LRRC4C: variants seen among roughly 807,000 people sequenced by gnomAD.
LRRC4C encodes the protein leucine rich repeat containing 4C.
Under a neutral mutation model 33.6 loss-of-function variants are expected in LRRC4C, and 5 were observed. That is an observed-to-expected ratio of 0.15 (90% CI 0.08 to 0.31). The LOEUF (loss-of-function observed/expected upper bound fraction) is 0.31, where lower values mean the gene tolerates loss of function less well. Ranked by LOEUF, LRRC4C falls within the 10% of genes least tolerant of loss-of-function variation. The pLI is 1.00. For synonymous variants in LRRC4C, 329 were observed against 302.0 expected (o/e 1.09, Z -0.93); for missense variants, 560 against 796.7 (o/e 0.70, Z 3.58).
intron 2 of LRRC4C, among the ~76,000 whole-genome samples, chr11:40,778,268 G>A (rs1270699137): frequency 2.6e-5 from 4 of 152,122 alleles, no homozygotes; most frequent in Admixed American, 6.5e-5. Flanking sequence ...AATTCCCTTA[G>A]CATCATTTTT....
intron 2 of LRRC4C, among the ~76,000 whole-genome samples, chr11:40,651,107 C>T (rs534840955): frequency 6.6e-6 from 1 of 152,322 alleles, no homozygotes; most frequent in South Asian, 2.1e-4. Context: ...CTCTTCCTAA[C>T]ACTTTGGAAA....
chr11:41,333,228 T>A (rs1407092028), intron 1 of LRRC4C, among the ~76,000 whole-genome samples: 1 of 152,232 alleles, frequency 6.6e-6, no homozygotes. Flanking sequence ...ATGTCTATTA[T>A]TTTGTAATGC....
At chr11:41,304,336 C>T (rs1230763955) in intron 1 of LRRC4C, among the ~76,000 whole-genome samples, 10 of 101,360 alleles carry the variant, frequency 9.9e-5, no homozygotes, top group Non-Finnish European at 1.2e-4. Flanking sequence ...CCGCCCCGTC[C>T]GGGAGGGAGG....
intron 1 of LRRC4C, among the ~76,000 whole-genome samples, chr11:41,142,364 C>A (rs1943544834): frequency 6.6e-6 from 1 of 152,094 alleles, no homozygotes. Flanking sequence ...CTGTTAAAAC[C>A]AGATTGCTGA....
intron 5 of LRRC4C, among the ~76,000 whole-genome samples, chr11:40,169,468 CTT>C (rs1859865896): frequency 6.6e-6 from 1 of 152,096 alleles, no homozygotes; most frequent in Non-Finnish European, 1.5e-5. Flanking sequence ...ATCAAGATAA[CTT>C]GAGACAAATT....
intron 1 of LRRC4C, among the ~76,000 whole-genome samples, chr11:41,031,276 T>A (rs1461460167): frequency 6.6e-6 from 1 of 151,986 alleles, no homozygotes; most frequent in African/African-American, 2.4e-5. Context: ...GCTACCATTC[T>A]GCTTCCTATC....
intron 3 of LRRC4C, among the ~76,000 whole-genome samples, chr11:40,565,850 G>A (rs7949072): frequency 0.15 from 23,352 of 151,830 alleles, 2,138 homozygotes; most frequent in Admixed American, 0.23. Context: ...TTTGGCCATG[G>A]AGGAAAAATT....
intron 2 of LRRC4C, among the ~76,000 whole-genome samples, chr11:40,867,161 G>A (rs796223162): frequency 2.6e-5 from 4 of 152,166 alleles, no homozygotes; most frequent in African/African-American, 7.2e-5. Context: ...CTGTGGATGG[G>A]GAAAGCATTG....
intron 3 of LRRC4C, among the ~76,000 whole-genome samples, chr11:40,400,357 G>A (rs1949712444): frequency 6.6e-6 from 1 of 152,210 alleles, no homozygotes; most frequent in East Asian, 1.9e-4. Flanking sequence ...CCAAAGAGTT[G>A]TTTGCTTCCA....
At chr11:40,327,310 T>C (rs1946148251) in intron 3 of LRRC4C, among the ~76,000 whole-genome samples, 1 of 77,156 alleles carries the variant, frequency 1.3e-5, no homozygotes, top group South Asian at 8.5e-4. Context: ...CTTGCTTACA[T>C]AGAGAGGCCA....
intron 5 of LRRC4C, among the ~76,000 whole-genome samples, chr11:40,180,031 C>A (rs1376290519): frequency 1.3e-5 from 2 of 152,142 alleles, no homozygotes; most frequent in Non-Finnish European, 2.9e-5. Context: ...TGGAAATGAA[C>A]TGTAACTAAA....
intron 3 of LRRC4C, among the ~76,000 whole-genome samples, chr11:40,566,939 G>C (rs1205320796): frequency 1.3e-5 from 2 of 152,044 alleles, no homozygotes; most frequent in Admixed American, 1.3e-4. Flanking sequence ...TACAAACACA[G>C]AGATCTTAGG....
chr11:40,584,372 T>C (rs1190887965), intron 3 of LRRC4C, among the ~76,000 whole-genome samples: 1 of 151,412 alleles, frequency 6.6e-6, no homozygotes, highest in Non-Finnish European at 1.5e-5. Flanking sequence ...GAGAGAAAAT[T>C]TGCCCCAAAT....
intron 6 of LRRC4C, among the ~76,000 whole-genome samples, chr11:40,137,162 ACGTGTGTGTG>A (rs1312691010): frequency 1.0e-3 from 143 of 140,270 alleles, no homozygotes; most frequent in African/African-American, 4.0e-3. Context: ...GCACGTGGGC[ACGTGTGTGTG>A]TGTGTGTGTG....
At chr11:41,084,146 A>G (rs917951028) in intron 1 of LRRC4C, among the ~76,000 whole-genome samples, 4 of 152,214 alleles carry the variant, frequency 2.6e-5, no homozygotes, top group Non-Finnish European at 5.9e-5. Context: ...AAGAAAAGAA[A>G]GAGTAGAGCC....
At chr11:40,782,161 T>A (rs1950234524) in intron 2 of LRRC4C, among the ~76,000 whole-genome samples, 1 of 152,218 alleles carries the variant, frequency 6.6e-6, no homozygotes. Context: ...TCAACTTGTT[T>A]TATTAGTAAT....
chr11:40,822,055 A>C (rs1307835075), intron 2 of LRRC4C, among the ~76,000 whole-genome samples: 1 of 151,710 alleles, frequency 6.6e-6, no homozygotes, highest in African/African-American at 2.4e-5. Context: ...CATGCGCAAT[A>C]AATTATTGTT....
At chr11:40,950,054 T>C (rs1166552277) in intron 1 of LRRC4C, among the ~76,000 whole-genome samples, 2 of 151,942 alleles carry the variant, frequency 1.3e-5, no homozygotes, top group Non-Finnish European at 2.9e-5. Context: ...ATAAAGGTTG[T>C]ATCAGATCTG....
intron 4 of LRRC4C, among the ~76,000 whole-genome samples, chr11:40,298,321 G>A (rs1222859583): frequency 6.6e-6 from 1 of 151,216 alleles, no homozygotes; most frequent in Non-Finnish European, 1.5e-5. Flanking sequence ...GACTCTAAAG[G>A]CTGGTCAGAA....
Sources: gnomAD v4.1 joint callset for allele counts (sites outside exome capture counted in the v4.1 genomes callset) on GRCh38, gnomAD v4.1.1 for gene constraint, MANE v1.5 for transcripts, NCBI Gene and HGNC (gene_info 2026-07-23, HGNC 2026-07-21) for gene names.